The following FHAD1 variants were observed in gnomAD, a reference collection of about 807,000 sequenced individuals.
The protein encoded by FHAD1 is forkhead-associated domain-containing protein 1.
Under a neutral mutation model 191.3 loss-of-function variants are expected in FHAD1, and 146 were observed. The ratio of observed to expected loss-of-function variants is 0.76; its 90% CI spans 0.67 to 0.88. The LOEUF (loss-of-function observed/expected upper bound fraction) is 0.88. Among genes scored for constraint, FHAD1 ranks in the 40% least tolerant of loss-of-function variants. FHAD1 has a pLI of 0.00. For synonymous variants in FHAD1, 616 were observed against 672.3 expected, an observed-to-expected ratio of 0.92 and a Z score of 1.29; for missense variants, 1,635 against 1,785.8, an observed-to-expected ratio of 0.92 and a Z score of 1.52.
At chr1:15,371,926 T>C (rs1258613270) in intron 26 of FHAD1, among the ~76,000 whole-genome samples, 1 of 152,218 alleles carries the variant, frequency 6.6e-6, no homozygotes, top group African/African-American at 2.4e-5. Context: ...ACAGGCTCTG[T>C]ATTTATTGAG....
chr1:15,336,902 GC>G (rs1684379881), intron 14 of FHAD1, among the ~76,000 whole-genome samples: 1 of 152,150 alleles, frequency 6.6e-6, no homozygotes, highest in African/African-American at 2.4e-5. Context: ...ATTCCCAGCA[GC>G]CCCCTTCACC....
intron 29 of FHAD1, 41 bp downstream of exon 29, chr1:15,380,837 T>TGCA (rs773400493): frequency 3.8e-4 from 558 of 1,481,038 alleles, no homozygotes; most frequent in Admixed American, 1.4e-3. Context: ...ATCCAAAGCC[T>TGCA]GGGGCCCCTG....
At chr1:15,375,046 C>T (rs903992798) in intron 27 of FHAD1, among the ~76,000 whole-genome samples, 22 of 151,658 alleles carry the variant, frequency 1.5e-4, no homozygotes, top group Non-Finnish European at 2.8e-4. Context: ...TTAGTAGAGA[C>T]GGGATTTCAC....
intron 26 of FHAD1, among the ~76,000 whole-genome samples, chr1:15,372,776 T>C (rs1265766173): frequency 6.6e-6 from 1 of 152,272 alleles, no homozygotes; most frequent in Non-Finnish European, 1.5e-5. Context: ...GTTTCTTCTC[T>C]TTCTTGCCAA....
At chr1:15,362,905 A>G (rs1393159590) in intron 23 of FHAD1, among the ~76,000 whole-genome samples, 179 bp downstream of exon 23, 2 of 151,974 alleles carry the variant, frequency 1.3e-5, no homozygotes, top group East Asian at 3.9e-4. Context: ...CCACATTGTC[A>G]GAAGCCAAAC....
chr1:15,359,812 T>C (rs895807159), intron 21 of FHAD1, among the ~76,000 whole-genome samples: 5 of 128,538 alleles, frequency 3.9e-5, no homozygotes, highest in African/African-American at 1.7e-4. Context: ...TAGCCAGGCG[T>C]GGTGGCGGGC....
At chr1:15,349,379 C>T (rs1690034782) in intron 19 of FHAD1, among the ~76,000 whole-genome samples, 1 of 152,238 alleles carries the variant, frequency 6.6e-6, no homozygotes, top group Non-Finnish European at 1.5e-5. Flanking sequence ...GGATTAGATG[C>T]TCTCAGGTGT....
intron 2 of FHAD1, among the ~76,000 whole-genome samples, chr1:15,261,048 T>C (rs956274018): frequency 7.2e-5 from 11 of 152,066 alleles, no homozygotes; most frequent in African/African-American, 2.7e-4. Flanking sequence ...GAGGAATCAG[T>C]AGGGTCACTG....
chr1:15,396,514 A>G (rs1299158073), intron 33 of FHAD1, among the ~76,000 whole-genome samples: 1 of 152,162 alleles, frequency 6.6e-6, no homozygotes, highest in Admixed American at 6.5e-5. Context: ...GTGTACAAAA[A>G]AATAACAAAA....
chr1:15,351,652 C>T (rs1690910976), intron 19 of FHAD1, among the ~76,000 whole-genome samples: 1 of 152,174 alleles, frequency 6.6e-6, no homozygotes, highest in Non-Finnish European at 1.5e-5. Flanking sequence ...ATTTGTAACA[C>T]ACCAAGTAGT....
intron 14 of FHAD1, among the ~76,000 whole-genome samples, chr1:15,333,824 C>CTTTTTTT (rs55698715): frequency 1.5e-5 from 1 of 64,802 alleles, no homozygotes; most frequent in Non-Finnish European, 2.8e-5. Flanking sequence ...TTTTATTTAT[C>CTTTTTTT]TTTTTTTTTT....
At chr1:15,358,424 G>A (rs1356586453) in intron 21 of FHAD1, 141 bp downstream of exon 21, 3 of 787,124 alleles carry the variant, frequency 3.8e-6, no homozygotes, top group Non-Finnish European at 6.0e-6. Flanking sequence ...TCCTGTCAGG[G>A]GCTGTCCTGA....
chr1:15,367,351 C>A, intron 24 of FHAD1, 112 bp from the exon 25 acceptor site: 2 of 1,210,432 alleles, frequency 1.7e-6, no homozygotes, highest in Non-Finnish European at 1.1e-6. Context: ...CAAAAATTAG[C>A]CAGTCGTGGT....
intron 1 of FHAD1, 123 bp from the exon 2 acceptor site, chr1:15,251,648 C>T: frequency 1.4e-6 from 1 of 720,598 alleles, no homozygotes; most frequent in East Asian, 2.7e-5. Context: ...TCTAATCCCC[C>T]CTCTTCTGAT....
Position 15,380,799 on chromosome 1 carries a change from A to G in FHAD1, c.3801+3A>G. 12 of 1,550,986 alleles carry G rather than the reference A, an allele frequency of 7.7e-6. No individual in the cohort carries two copies. The highest frequency in any genetic ancestry group is 2.4e-5 in the East Asian group (1 of 40,920). On this transcript the variant is annotated splice_donor_region_variant and intron_variant, in intron 29 of 33. Coordinates refer to ENST00000688493, the MANE Select transcript of FHAD1 (RefSeq NM_001391957.1). ...CTTTAGAGCTCAGTGAAAAGCTGGT[A>G]TGTACATCCAGCATCCACCCTGCTC... is the stretch of plus-strand genomic sequence containing the variant.
At chr1:15,245,152 G>A (rs770980796), upstream of FHAD1, among the ~76,000 whole-genome samples, 3 of 152,164 alleles carry the variant, frequency 2.0e-5, no homozygotes, top group African/African-American at 4.8e-5. Context: ...GGATTCGCCC[G>A]CATGATCCAA....
intron 17 of FHAD1, 81 bp downstream of exon 17, chr1:15,345,271 GC>G: frequency 1.4e-6 from 2 of 1,384,556 alleles, no homozygotes; most frequent in South Asian, 2.5e-5. Context: ...GTCTGGGCCC[GC>G]CGGCTCTGAG....
chr1:15,314,124 A>G (rs968611543), intron 8 of FHAD1, among the ~76,000 whole-genome samples: 2 of 151,178 alleles, frequency 1.3e-5, no homozygotes, highest in Admixed American at 6.6e-5. Context: ...ATGTACCTCA[A>G]TGCTCTGACT....
chr1:15,387,866 C>T (rs1028363852), intron 31 of FHAD1, among the ~76,000 whole-genome samples, 185 bp from the exon 32 acceptor site: 2 of 152,160 alleles, frequency 1.3e-5, no homozygotes, highest in African/African-American at 4.8e-5. Flanking sequence ...GCCTGTGTGA[C>T]AGAGTGAGAT....
Sources: allele counts gnomAD v4.1 joint callset (sites outside exome capture counted in the v4.1 genomes callset), GRCh38; gene constraint gnomAD v4.1.1; transcripts MANE v1.5; gene names NCBI Gene and HGNC (gene_info 2026-07-23, HGNC 2026-07-21).